Variants in LPIN2 observed in about 807,000 individuals in gnomAD.
The protein encoded by LPIN2 is phosphatidate phosphatase LPIN2.
LPIN2 carries 55 observed loss-of-function variants against 111.4 expected under a neutral mutation model. The observed-to-expected ratio is 0.49, with a 90% confidence interval of 0.40 to 0.62. The LOEUF (loss-of-function observed/expected upper bound fraction) is 0.62. Ranked by LOEUF, LPIN2 falls within the 20% of genes least tolerant of loss-of-function variation. The pLI is 0.00. For synonymous variants in LPIN2, 425 were observed against 414.0 expected (o/e 1.03, Z -0.32); for missense variants, 992 against 1,112.1 (o/e 0.89, Z 1.54).
chr18:2,998,654 T>TAGA (rs1386012329), intron 1 of LPIN2, among the ~76,000 whole-genome samples: 13 of 149,432 alleles, frequency 8.7e-5, no homozygotes, highest in Non-Finnish European at 1.8e-4. Context: ...AAAAGCGTTG[T>TAGA]AGAGCCCAGA....
At position 2,922,139 on chromosome 18, in the gene LPIN2, A is replaced by G; in HGVS notation, c.2235T>C (p.Arg745=). ...TGTCATTGACCCAGTGCAGGTAGCC[A>G]CGGGTCATGTCGGCCATGCCGATGG... ...ARAIGMADMT[R]GYLHWVNDKG... is the part of the protein sequence containing the mutation. Residue 745 remains arginine (R), a synonymous_variant, in exon 17 of 20, where the codon CGT becomes CGC. Coordinates refer to ENST00000677752, the MANE Select transcript of LPIN2 (RefSeq NM_001375808.2). 1 of 1,614,092 alleles carries G rather than the reference A, an allele frequency of 6.2e-7. No homozygotes were observed.
At chr18:2,957,552 A>G (rs981687545) in intron 2 of LPIN2, among the ~76,000 whole-genome samples, 9 of 152,182 alleles carry the variant, frequency 5.9e-5, no homozygotes, top group Non-Finnish European at 1.2e-4. Context: ...GCCAATAAAT[A>G]TATCTCTTTC....
At chr18:2,949,475 T>C (rs1424255520) in intron 4 of LPIN2, among the ~76,000 whole-genome samples, 3 of 152,206 alleles carry the variant, frequency 2.0e-5, no homozygotes, top group African/African-American at 7.2e-5. Flanking sequence ...CCATCTTTTG[T>C]TGTTTAGTTC....
chr18:2,927,475 T>C (rs763403816), intron 12 of LPIN2, among the ~76,000 whole-genome samples: 7 of 152,206 alleles, frequency 4.6e-5, no homozygotes, highest in Admixed American at 6.5e-5. Context: ...ACCAGTTATG[T>C]GACTTCGTGA....
chr18:3,006,831 T>C (rs1376175732), intron 1 of LPIN2, among the ~76,000 whole-genome samples: 3 of 148,338 alleles, frequency 2.0e-5, no homozygotes, highest in East Asian at 2.0e-4. Context: ...AACGAGACTC[T>C]GTCTCAAAAA....
chr18:2,924,990 G>A (rs915775221), intron 14 of LPIN2, among the ~76,000 whole-genome samples: 1 of 152,190 alleles, frequency 6.6e-6, no homozygotes, highest in South Asian at 2.1e-4. Context: ...TGACTCTCAA[G>A]AGATGGAGGA....
rs550666557 is a variant in LPIN2 at position 2,918,897 on chromosome 18, C to T, written c.*1396G>A. On this transcript the variant is annotated 3_prime_UTR_variant, in exon 20 of 20. Coordinates refer to ENST00000677752, the MANE Select transcript of LPIN2 (RefSeq NM_001375808.2). ...CCACGAGACCACCCCGAGCGCCAAG[C>T]CTGTATCTGCAGATCCCTCTCTGCT... 1 of 152,216 alleles carries T rather than the reference C, an allele frequency of 6.6e-6. No homozygotes were observed. Among genetic ancestry groups the T allele is most frequent in the East Asian group, 1.9e-4 (1 of 5,202 alleles). 9.4% of individuals were successfully genotyped at this position (152,216 alleles called of 1,614,324 possible).
At chr18:2,971,795 C>A (rs2077919242) in intron 1 of LPIN2, among the ~76,000 whole-genome samples, 1 of 148,636 alleles carries the variant, frequency 6.7e-6, no homozygotes. Flanking sequence ...CGACTGTAAT[C>A]CCAGCACTTT....
Position 2,956,259 on chromosome 18 carries a change from T to C in LPIN2, c.193-1660A>G, listed in dbSNP as rs575540794. On this transcript the variant is annotated intron_variant, in intron 2 of 19. Coordinates refer to ENST00000677752, the MANE Select transcript of LPIN2 (RefSeq NM_001375808.2). ...GGGGAAAGAAGCCTGCGATGGTGGA[T>C]GGGAATTGGAGGAACCCGTGTGCCC... Among the ~76,000 whole-genome samples, 4 of 151,242 alleles carry C rather than the reference T, an allele frequency of 2.6e-5. No homozygotes were observed. The East Asian group carries it at 5.8e-4, about 22-fold the overall frequency.
At chr18:2,944,827 T>C (rs1461918805) in intron 4 of LPIN2, among the ~76,000 whole-genome samples, 1 of 152,230 alleles carries the variant, frequency 6.6e-6, no homozygotes, top group Non-Finnish European at 1.5e-5. Flanking sequence ...GTTTTTAAGA[T>C]TATTGCTTAG....
intron 1 of LPIN2, among the ~76,000 whole-genome samples, chr18:2,996,607 A>C (rs2078348903): frequency 6.7e-6 from 1 of 148,792 alleles, no homozygotes; most frequent in South Asian, 2.1e-4. Context: ...CCTCCCGAGT[A>C]GCTGGGACTA....
intron 17 of LPIN2, 21 bp from the exon 18 acceptor site, chr18:2,921,668 C>T (rs751664993): frequency 2.0e-6 from 3 of 1,511,842 alleles, no homozygotes; most frequent in East Asian, 2.3e-5. Flanking sequence ...AATACAAATA[C>T]AATCACCAAT....
intron 1 of LPIN2, among the ~76,000 whole-genome samples, chr18:2,964,296 A>AAAC (rs1316716091): frequency 2.7e-5 from 4 of 149,262 alleles, no homozygotes; most frequent in Non-Finnish European, 5.9e-5. Flanking sequence ...AAAAAAAAAA[A>AAAC]AAAAAAAAAG....
At chr18:2,984,547 T>C (rs1195868779) in intron 1 of LPIN2, among the ~76,000 whole-genome samples, 3 of 150,604 alleles carry the variant, frequency 2.0e-5, no homozygotes, top group East Asian at 2.0e-4. Context: ...GGGAGGCTAG[T>C]AGGAGAAAGA....
intron 11 of LPIN2, among the ~76,000 whole-genome samples, chr18:2,928,378 T>C (rs903589249): frequency 6.6e-6 from 1 of 152,202 alleles, no homozygotes; most frequent in Non-Finnish European, 1.5e-5. Flanking sequence ...CTAATAAAAA[T>C]GAAATAAAGA....
At position 2,967,053 on chromosome 18, in the gene LPIN2, G is replaced by A. The variant is rs139256295; in HGVS notation, c.-9-6204C>T. On this transcript the variant is annotated intron_variant, in intron 1 of 19. Coordinates refer to ENST00000677752, the MANE Select transcript of LPIN2 (RefSeq NM_001375808.2). Reference sequence around the variant, plus strand: ...ACACCCATGATTACGGTTTGCATTTGATTAGCATGTAATATTTTTCAAGAA... The same window carrying A: ...ACACCCATGATTACGGTTTGCATTTAATTAGCATGTAATATTTTTCAAGAA... 2.0e-3 allele frequency: 304 copies of A among 152,250 alleles called. 3 individuals carry two copies. Among genetic ancestry groups the A allele is most frequent in the African/African-American group, 7.2e-3 (298 of 41,536 alleles). The allele number at this position is 152,250 out of a possible 1,614,324, so 9.4% of individuals were successfully genotyped here. A position where few individuals can be genotyped will look rare whatever the true frequency, so the allele number is the denominator to read the frequency against.
intron 4 of LPIN2, among the ~76,000 whole-genome samples, chr18:2,943,429 C>CGT (rs145740705): frequency 0.058 from 8,302 of 142,178 alleles, 316 homozygotes; most frequent in African/African-American, 0.12. Flanking sequence ...ATAAAAGCTG[C>CGT]GTGTGTGTGT....
At chr18:2,943,177 A>G (rs2077389684) in intron 4 of LPIN2, among the ~76,000 whole-genome samples, 1 of 148,958 alleles carries the variant, frequency 6.7e-6, no homozygotes, top group Non-Finnish European at 1.5e-5. Flanking sequence ...ATATTGCTGT[A>G]TGTAAATTAT....
Position 2,931,586 on chromosome 18 carries a change from TTAGA to T in LPIN2, c.1269-147_1269-144del, listed in dbSNP as rs1004658538. 18 of 762,630 alleles carry T rather than the reference TTAGA, an allele frequency of 2.4e-5. No individual in the cohort carries two copies. The African/African-American group carries it at 3.1e-4, about 13-fold the overall frequency. The allele number at this position is 762,630 out of a possible 1,614,324, so 47.2% of individuals were successfully genotyped here. A position where few individuals can be genotyped will look rare whatever the true frequency, so the allele number is the denominator to read the frequency against. On this transcript the variant is annotated intron_variant, in intron 8 of 19. Coordinates refer to ENST00000677752, the MANE Select transcript of LPIN2 (RefSeq NM_001375808.2). ...GACCTACAATCAGGCATAACTTTTC[TTAGA>T]TAGGGTTTAGAATCATATCATAAAT...
Sources: gnomAD v4.1 joint callset for allele counts (sites outside exome capture counted in the v4.1 genomes callset) on GRCh38, gnomAD v4.1.1 for gene constraint, MANE v1.5 for transcripts, NCBI Gene and HGNC (gene_info 2026-07-23, HGNC 2026-07-21) for gene names.